The following MAD1L1 variants were observed in gnomAD, a reference collection of about 807,000 sequenced individuals.
MAD1L1 encodes mitotic arrest deficient 1 like 1.
MAD1L1 carries 95 observed loss-of-function variants against 96.9 expected under a neutral mutation model. The ratio of observed to expected loss-of-function variants is 0.98; its 90% CI spans 0.83 to 1.16. The LOEUF (loss-of-function observed/expected upper bound fraction) is 1.16, where lower values mean the gene tolerates loss of function less well. Ranked by LOEUF, MAD1L1 falls within the 50% of genes most tolerant of loss-of-function variation. MAD1L1 has a pLI of 0.00. For missense variants in MAD1L1, 1,007 were observed against 954.4 expected (o/e 1.06, Z -0.73); for synonymous variants, 473 against 396.6 (o/e 1.19, Z -2.29).
At chr7:2,220,819 T>C in intron 5 of MAD1L1, 3 of 1,446,538 alleles carry the variant, frequency 2.1e-6, no homozygotes, top group Admixed American at 4.2e-5. Context: ...AGAAGAAAGG[T>C]ATTAAAAACA....
intron 17 of MAD1L1, among the ~76,000 whole-genome samples, chr7:1,931,845 C>T (rs1039922062): frequency 9.9e-5 from 15 of 152,226 alleles, no homozygotes; most frequent in Admixed American, 3.3e-4. Flanking sequence ...CTGCTTCCCA[C>T]GCACTCAGCC....
chr7:2,106,606 C>CCTCCTCTCCA (rs1320648386), intron 11 of MAD1L1, among the ~76,000 whole-genome samples: 1 of 152,224 alleles, frequency 6.6e-6, no homozygotes, highest in African/African-American at 2.4e-5. Context: ...AGACCGCCTC[C>CCTCCTCTCCA]CTCCTCTCCA....
intron 17 of MAD1L1, among the ~76,000 whole-genome samples, chr7:1,932,678 C>T (rs1237418038): frequency 3.3e-5 from 5 of 152,286 alleles, no homozygotes; most frequent in Non-Finnish European, 5.9e-5. Context: ...CTGCCGCACA[C>T]TGTGCGGGTC....
chr7:1,863,904 T>G (rs566342147), intron 18 of MAD1L1, among the ~76,000 whole-genome samples: 1 of 152,148 alleles, frequency 6.6e-6, no homozygotes, highest in African/African-American at 2.4e-5. Context: ...CTGGCCAAGA[T>G]GGTGAAACCC....
intron 11 of MAD1L1, among the ~76,000 whole-genome samples, chr7:2,116,294 C>A (rs563090335): frequency 6.6e-6 from 1 of 152,266 alleles, no homozygotes; most frequent in African/African-American, 2.4e-5. Flanking sequence ...GCCGGGAGGA[C>A]GAACAAGACT....
chr7:1,880,788 C>T (rs1354714227), intron 18 of MAD1L1, among the ~76,000 whole-genome samples: 1 of 152,164 alleles, frequency 6.6e-6, no homozygotes, highest in Non-Finnish European at 1.5e-5. Flanking sequence ...GCAGGGATCT[C>T]ACTGCTGATG....
intron 11 of MAD1L1, among the ~76,000 whole-genome samples, chr7:2,128,653 C>G (rs1387024621): frequency 6.6e-6 from 1 of 152,214 alleles, no homozygotes; most frequent in East Asian, 1.9e-4. Flanking sequence ...TGCAAGAGGG[C>G]TGAAGGCTCA....
Position 2,160,736 on chromosome 7 carries a change from TC to T in MAD1L1, c.987-11499del, listed in dbSNP as rs1562741381. 1.5e-4 allele frequency among the ~76,000 whole-genome samples: 23 copies of T among 152,148 alleles called. No homozygotes were observed. In the South Asian group the frequency reaches 4.8e-3, roughly 32 times the overall value. On this transcript the variant is annotated intron_variant, in intron 10 of 18. Coordinates refer to ENST00000265854, the MANE Select transcript of MAD1L1 (RefSeq NM_001013836.2). The stretch of plus-strand genomic sequence containing the variant: ...GAATCTCCGCTCTCCTGCCTCAGCC[TC>T]CAGAGTAGCTGGGATTACAGGTACC...
At chr7:1,979,455 ATAC>A (rs1419239679) in intron 15 of MAD1L1, among the ~76,000 whole-genome samples, 1 of 152,204 alleles carries the variant, frequency 6.6e-6, no homozygotes, top group Non-Finnish European at 1.5e-5. Context: ...TTCTGGCAGG[ATAC>A]TCGGGTTGCC....
intron 11 of MAD1L1, among the ~76,000 whole-genome samples, chr7:2,097,220 C>T (rs1786538089): frequency 6.6e-6 from 1 of 151,584 alleles, no homozygotes. Context: ...TTGGCTCTGC[C>T]ACACCCCACC....
intron 10 of MAD1L1, among the ~76,000 whole-genome samples, chr7:2,192,535 A>G (rs62442475): frequency 6.6e-6 from 1 of 152,230 alleles, no homozygotes; most frequent in South Asian, 2.1e-4. Flanking sequence ...TTGAAAAACA[A>G]TTCAGGAAAA....
At chr7:2,071,009 G>A (rs1233337492) in intron 11 of MAD1L1, among the ~76,000 whole-genome samples, 1 of 152,118 alleles carries the variant, frequency 6.6e-6, no homozygotes, top group South Asian at 2.1e-4. Context: ...TTCATCCCAG[G>A]GCTGGTGGAT....
At chr7:1,825,040 C>T (rs1486293348) in intron 18 of MAD1L1, among the ~76,000 whole-genome samples, 3 of 152,168 alleles carry the variant, frequency 2.0e-5, no homozygotes, top group Non-Finnish European at 2.9e-5. Context: ...ACTCGGAGTG[C>T]TGGGACGGAA....
rs561582463 is a variant in MAD1L1, at chr7:2,044,579, G to A, written c.1218+24615C>T. Among the ~76,000 whole-genome samples the A allele has an allele frequency of 4.1e-3, 623 of 152,292 alleles. 6 individuals carry two copies. The highest frequency in any genetic ancestry group is 0.014 in the African/African-American group (588 of 41,558). On this transcript the variant is annotated intron_variant, in intron 12 of 18. Transcript: ENST00000265854. The stretch of plus-strand genomic sequence containing the variant: ...GTTCAGCAGGGCACAGAACCAGCAC[G>A]GGGGTGCGGCCGGGAGGTCTGGGTC...
In MAD1L1 at chr7:2,149,063, C is replaced by A. The variant is rs979225308; in HGVS notation, c.1073+89G>T. 8.6e-6 allele frequency: 10 copies of A among 1,167,708 alleles called. No homozygotes were observed. In the African/African-American group the frequency reaches 1.5e-4, roughly 18 times the overall value. 72.3% of individuals were successfully genotyped at this position (1,167,708 alleles called of 1,614,324 possible). A position where few individuals can be genotyped will look rare whatever the true frequency, so the allele number is the denominator to read the frequency against. On this transcript the variant is annotated intron_variant, in intron 11 of 18. Transcript: ENST00000265854. ...ACCACATGATGAAGGACAGCCATCC[C>A]CCAAGAGCCAGGGGGCACACACTCT...
intron 14 of MAD1L1, among the ~76,000 whole-genome samples, chr7:1,998,480 A>G (rs1310323846): frequency 6.6e-6 from 1 of 152,240 alleles, no homozygotes; most frequent in Admixed American, 6.5e-5. Flanking sequence ...CACATGCAGA[A>G]GCATGGCCCC....
At chr7:2,076,702 C>T (rs138304523) in intron 11 of MAD1L1, among the ~76,000 whole-genome samples, 3 of 152,172 alleles carry the variant, frequency 2.0e-5, no homozygotes, top group African/African-American at 7.2e-5. Context: ...ACACAGCGAG[C>T]ACATGGCATG....
chr7:1,836,270 T>G (rs1251207795), intron 18 of MAD1L1, among the ~76,000 whole-genome samples: 1 of 152,190 alleles, frequency 6.6e-6, no homozygotes, highest in African/African-American at 2.4e-5. Flanking sequence ...TCTGCCTGCC[T>G]CAGCCTCCCA....
At chr7:2,215,857 A>C (rs143363964) in intron 9 of MAD1L1, 28 bp downstream of exon 9, 2 of 1,605,918 alleles carry the variant, frequency 1.2e-6, no homozygotes, top group Non-Finnish European at 1.7e-6. Context: ...GGACACCCAC[A>C]GGAACCGCAC....
Sources: gnomAD v4.1 joint callset for allele counts (sites outside exome capture counted in the v4.1 genomes callset) on GRCh38, gnomAD v4.1.1 for gene constraint, MANE v1.5 for transcripts, NCBI Gene and HGNC (gene_info 2026-07-23, HGNC 2026-07-21) for gene names.